AASS: variants seen among roughly 807,000 people sequenced by gnomAD.
AASS encodes the protein aminoadipate-semialdehyde synthase, also known as alpha-aminoadipic semialdehyde synthase, mitochondrial.
A neutral mutation model predicts 105.4 loss-of-function variants in AASS; 86 were observed. The observed-to-expected ratio is 0.82, with a 90% CI of 0.69 to 0.98. AASS has a LOEUF of 0.98. AASS is among the 50% of genes least tolerant of loss of function. The pLI is 0.00. For synonymous variants in AASS, 381 were observed against 394.8 expected, an observed-to-expected ratio of 0.96 and a Z score of 0.41; for missense variants, 1,048 against 1,143.2, an observed-to-expected ratio of 0.92 and a Z score of 1.20.
intron 18 of AASS, among the ~76,000 whole-genome samples, chr7:122,088,977 C>T (rs1160842140): frequency 6.6e-6 from 1 of 152,062 alleles, no homozygotes; most frequent in Non-Finnish European, 1.5e-5. Context: ...CTAGAAATTA[C>T]TACAAAGATG....
At chr7:122,110,663 C>A (rs1315966811) in intron 11 of AASS, among the ~76,000 whole-genome samples, 2 of 151,740 alleles carry the variant, frequency 1.3e-5, no homozygotes, top group African/African-American at 4.8e-5. Context: ...CTGACAAAGA[C>A]CTTATAATAA....
At chr7:122,111,436 T>G (rs569390505) in intron 11 of AASS, among the ~76,000 whole-genome samples, 1 of 152,200 alleles carries the variant, frequency 6.6e-6, no homozygotes, top group Admixed American at 6.5e-5. Flanking sequence ...CTGTAAGAAG[T>G]GATAAATTAA....
At chr7:122,092,042 TA>T (rs544553610) in intron 17 of AASS, among the ~76,000 whole-genome samples, 199 bp from the exon 18 acceptor site, 20 of 151,918 alleles carry the variant, frequency 1.3e-4, no homozygotes, top group African/African-American at 2.2e-4. Flanking sequence ...TATGTTTTTT[TA>T]AAAAAACTGT....
chr7:122,081,941 C>T (rs577556192), intron 19 of AASS, among the ~76,000 whole-genome samples: 9 of 152,206 alleles, frequency 5.9e-5, no homozygotes, highest in South Asian at 4.1e-4. Flanking sequence ...ATGGAATTTT[C>T]GGGCAGCATA....
At chr7:122,136,954 C>A (rs1184107625) in intron 1 of AASS, among the ~76,000 whole-genome samples, 1 of 152,222 alleles carries the variant, frequency 6.6e-6, no homozygotes, top group Non-Finnish European at 1.5e-5. Context: ...TTGTAACATA[C>A]ACACATATAC....
At chr7:122,127,671 C>T (rs182642411) in intron 3 of AASS, among the ~76,000 whole-genome samples, 67 of 152,188 alleles carry the variant, frequency 4.4e-4, no homozygotes, top group African/African-American at 1.6e-3. Context: ...TTTTACACTC[C>T]TATATAATAG....
At chr7:122,119,024 C>A (rs1030301699) in intron 4 of AASS, among the ~76,000 whole-genome samples, 1 of 152,086 alleles carries the variant, frequency 6.6e-6, no homozygotes, top group Non-Finnish European at 1.5e-5. Flanking sequence ...CCTCCCATAA[C>A]AAAAACAAAT....
chr7:122,142,497 T>C (rs1457794027), intron 1 of AASS, among the ~76,000 whole-genome samples: 1 of 152,180 alleles, frequency 6.6e-6, no homozygotes, highest in Non-Finnish European at 1.5e-5. Context: ...ACTTCAGGCA[T>C]GCATGTTCAA....
At chr7:122,092,184 A>C (rs1407776037) in intron 17 of AASS, among the ~76,000 whole-genome samples, 1 of 151,636 alleles carries the variant, frequency 6.6e-6, no homozygotes, top group Non-Finnish European at 1.5e-5. Context: ...ATATATATAC[A>C]CACACATTCA....
At position 122,079,579 on chromosome 7, in the gene AASS, T is replaced by C. The variant is rs761953397; in HGVS notation, c.2396+18A>G. On this transcript the variant is annotated intron_variant, in intron 21 of 23. Coordinates refer to ENST00000417368, the MANE Select transcript of AASS (RefSeq NM_005763.4). ...TGATCCAGTATATTTTGCTCTAAGT[T>C]GAGTGGTGGGTGCCTACCATTCAGC... 2 of 1,555,750 alleles carry C rather than the reference T, an allele frequency of 1.3e-6. No homozygotes were observed. The highest frequency in any genetic ancestry group is 1.8e-6 in the Non-Finnish European group (2 of 1,127,036).
chr7:122,113,855 A>G, intron 9 of AASS, 135 bp from the exon 10 acceptor site: 1 of 909,342 alleles, frequency 1.1e-6, no homozygotes, highest in South Asian at 1.5e-5. Flanking sequence ...TTTTTCCTAT[A>G]GCTCATTCTT....
At chr7:122,087,236 T>C (rs1024859474) in intron 18 of AASS, among the ~76,000 whole-genome samples, 1 of 152,180 alleles carries the variant, frequency 6.6e-6, no homozygotes, top group Non-Finnish European at 1.5e-5. Flanking sequence ...TATTAGTAGA[T>C]GGGTTCTGAA....
chr7:122,105,379 C>T (rs1307374068), intron 11 of AASS, among the ~76,000 whole-genome samples: 1 of 151,960 alleles, frequency 6.6e-6, no homozygotes. Flanking sequence ...ACAAAATGGA[C>T]CTAATAGATA....
At chr7:122,108,009 T>C (rs1401154865) in intron 11 of AASS, among the ~76,000 whole-genome samples, 1 of 127,390 alleles carries the variant, frequency 7.8e-6, no homozygotes, top group Non-Finnish European at 1.7e-5. Flanking sequence ...ACCACAGAAA[T>C]ACAAAGGATC....
At chr7:122,140,503 A>AAAAAAAAAAAAAAAAAAAAAAAAAAAAAC (rs1796343002) in intron 1 of AASS, among the ~76,000 whole-genome samples, 1 of 149,760 alleles carries the variant, frequency 6.7e-6, no homozygotes, top group Non-Finnish European at 1.5e-5. Context: ...AAAAAAAAAA[A>AAAAAAAAAAAAAAAAAAAAAAAAAAAAAC]AAAAAGAATG....
At chr7:122,120,119 C>T (rs1003587168) in intron 4 of AASS, among the ~76,000 whole-genome samples, 21 of 152,068 alleles carry the variant, frequency 1.4e-4, no homozygotes, top group African/African-American at 5.1e-4. Flanking sequence ...AAGAGTTTCC[C>T]ATTTCTATTT....
At chr7:122,097,114 A>G (rs888812032) in intron 15 of AASS, among the ~76,000 whole-genome samples, 2 of 152,070 alleles carry the variant, frequency 1.3e-5, no homozygotes, top group South Asian at 2.1e-4. Flanking sequence ...ATTTAAAGAT[A>G]TCAAGAGAAA....
rs559723940 is a variant in AASS at position 122,134,997 on chromosome 7, C to T, written c.-15-1256G>A. On this transcript the variant is annotated intron_variant, in intron 1 of 23. Transcript: ENST00000417368. The stretch of plus-strand genomic sequence containing the variant: ...TAGGGACATGGATGAAGCTGGAAAC[C>T]ATCATTCTGAGCAAACTATCACAAG... 3.2e-3 allele frequency among the ~76,000 whole-genome samples: 492 copies of T among 152,158 alleles called. 5 individuals are homozygous for T. Among genetic ancestry groups the T allele is most frequent in the South Asian group, 0.012 (60 of 4,818 alleles).
intron 1 of AASS, among the ~76,000 whole-genome samples, chr7:122,134,442 C>T (rs1053932586): frequency 3.9e-5 from 6 of 152,162 alleles, no homozygotes; most frequent in Non-Finnish European, 5.9e-5. Flanking sequence ...TCATTGCTTA[C>T]TGCAGTCTGG....
Sources: allele counts gnomAD v4.1 joint callset (sites outside exome capture counted in the v4.1 genomes callset), GRCh38; gene constraint gnomAD v4.1.1; transcripts MANE v1.5; gene names NCBI Gene and HGNC (gene_info 2026-07-23, HGNC 2026-07-21).